Variants in PLXNB1 observed in about 807,000 individuals in gnomAD.
PLXNB1 encodes the protein plexin B1, also known as plexin-B1.
A neutral mutation model predicts 209.4 loss-of-function variants in PLXNB1; 106 were observed. The ratio of observed to expected loss-of-function variants is 0.51; its 90% CI spans 0.43 to 0.59. PLXNB1 has a LOEUF of 0.59. Among genes scored for constraint, PLXNB1 ranks in the 20% least tolerant of loss-of-function variants. The pLI is 0.00. For missense variants in PLXNB1, 2,357 were observed against 2,853.2 expected (o/e 0.83, Z 3.96); for synonymous variants, 1,167 against 1,183.2 (o/e 0.99, Z 0.28).
At chr3:48,408,905 C>G (rs1478736836) in intron 34 of PLXNB1, among the ~76,000 whole-genome samples, 2 of 152,166 alleles carry the variant, frequency 1.3e-5, no homozygotes, top group Non-Finnish European at 2.9e-5. Context: ...CAGGACAGCA[C>G]AGCGCCCTCT....
rs1222821417 is a variant in PLXNB1, at chr3:48,411,617, T to C, written c.5247+246A>G. ...AGGGCTGGCTTCTCCCAAACCCTGG[T>C]TGTGGCTACCCTAGTTCCATCCCTA... is the stretch of plus-strand genomic sequence containing the variant. On this transcript the variant is annotated intron_variant, in intron 28 of 37. Coordinates refer to ENST00000296440, the MANE Select transcript of PLXNB1 (RefSeq NM_001130082.3). The surrounding 1 kb of genome is among the most constrained non-coding windows in gnomAD (Gnocchi z 4.0). 6.6e-6 allele frequency among the ~76,000 whole-genome samples: 1 copy of C among 152,162 alleles called. No homozygotes were observed. The highest frequency in any genetic ancestry group is 1.9e-4 in the East Asian group (1 of 5,192).
chr3:48,410,055 T>TA lies in PLXNB1; in HGVS notation c.5627dup (p.Asp1877ArgfsTer2). ...GCCAGGGCCGGATGCCCCCCTCATC[T>TA]ACATCCTCCAGCATTGGGGTCCCTG... On this transcript the variant is annotated frameshift_variant, in exon 32 of 38. Coordinates refer to ENST00000296440, the MANE Select transcript of PLXNB1 (RefSeq NM_001130082.3). LOFTEE classifies it high-confidence loss of function. The surrounding 1 kb of genome is among the most constrained non-coding windows in gnomAD (Gnocchi z 6.4). The TA allele has an allele frequency of 6.2e-7, 1 of 1,600,896 alleles. No homozygotes were observed. The highest frequency in any genetic ancestry group is 8.5e-7 in the Non-Finnish European group (1 of 1,172,186).
chr3:48,422,296 CAG>C, intron 5 of PLXNB1, 33 bp downstream of exon 5: 1 of 1,611,014 alleles, frequency 6.2e-7, no homozygotes, highest in South Asian at 1.1e-5. Context: ...AGGCCCCTCC[CAG>C]CAGCCATGCC....
chr3:48,421,416 GC>G (rs1421575664), intron 7 of PLXNB1, 32 bp from the exon 8 acceptor site: 1 of 1,514,736 alleles, frequency 6.6e-7, no homozygotes, highest in East Asian at 2.3e-5. Flanking sequence ...CACTGTTGGG[GC>G]TAGTGGGCAG....
Position 48,420,116 on chromosome 3 carries a change from T to C in PLXNB1, c.2170A>G (p.Ile724Val). ...AGGGAAGGACTAGCCCCAGGTGAGA[T>C]GTCCGAAGCTGTGGCTGTGGAGGGA... ...GAPSTATASDISPGASPSLLS... is the reference protein window; with the variant it reads ...GAPSTATASDVSPGASPSLLS... The change falls in exon 11 of 38, where the codon ATC (isoleucine) becomes GTC (valine). Residue 724 changes from isoleucine to valine, a missense_variant. By Grantham distance (29) the Ile-to-Val change is conservative. Transcript: ENST00000296440. 2.5e-6 allele frequency: 4 copies of C among 1,606,624 alleles called. No homozygotes were observed. Among genetic ancestry groups the C allele is most frequent in the Non-Finnish European group, 3.4e-6 (4 of 1,176,792 alleles).
At position 48,415,511 on chromosome 3, in the gene PLXNB1, C is replaced by T. The variant is rs1054499826; in HGVS notation, c.3794+72G>A. On this transcript the variant is annotated intron_variant, in intron 19 of 37. Coordinates refer to ENST00000296440, the MANE Select transcript of PLXNB1 (RefSeq NM_001130082.3). The surrounding 1 kb of genome is among the most constrained non-coding windows in gnomAD (Gnocchi z 5.0). ...CTCAGTGCCTCAACATAAAGCCCTA[C>T]AAACCCCCACATAGTGGAGCTGCAA... is the stretch of plus-strand genomic sequence containing the variant. 12 of 1,467,342 alleles carry T rather than the reference C, an allele frequency of 8.2e-6. No individual in the cohort carries two copies. In the African/African-American group the frequency reaches 1.1e-4, roughly 14 times the overall value. 90.9% of individuals were successfully genotyped at this position (1,467,342 alleles called of 1,614,324 possible).
chr3:48,412,475 T>A lies in PLXNB1; in HGVS notation c.5000A>T (p.Tyr1667Phe). 2 of 1,613,658 alleles carry A rather than the reference T, an allele frequency of 1.2e-6. No individual in the cohort carries two copies. Among genetic ancestry groups the A allele is most frequent in the Non-Finnish European group, 1.7e-6 (2 of 1,180,040 alleles). ...CATCAGCTTGGGGTTCTTGGCCACA[T>A]ACTGGGCAACCAGGTCACTGAGCAG... is the stretch of plus-strand genomic sequence containing the variant. Reference protein sequence around the residue: ...RTLLSDLVAQYVAKNPKLMLR... With the variant: ...RTLLSDLVAQFVAKNPKLMLR... Residue 1667 changes from tyrosine (Y) to phenylalanine (F), a missense_variant, in exon 26 of 38, where the codon TAT (tyrosine) becomes TTT (phenylalanine). By Grantham distance (22) the Tyr-to-Phe change is conservative. This residue lies in a region of PLXNB1 where 65 missense variants were observed against 127.6 expected (regional missense o/e 0.51). Coordinates refer to ENST00000296440, the MANE Select transcript of PLXNB1 (RefSeq NM_001130082.3).
Position 48,415,650 on chromosome 3 carries a change from G to GT in PLXNB1, c.3726dup (p.Arg1243ThrfsTer27). On this transcript the variant is annotated frameshift_variant, in exon 19 of 38. Coordinates refer to ENST00000296440, the MANE Select transcript of PLXNB1 (RefSeq NM_001130082.3). LOFTEE classifies it high-confidence loss of function. The surrounding 1 kb of genome is among the most constrained non-coding windows in gnomAD (Gnocchi z 5.0). Reference sequence around the variant, plus strand: ...TCCAAGGTATACTTGAACTGTCCGCGTTGAAGCCTCCGCTCCGTGGCCCCA... The same window carrying GT: ...TCCAAGGTATACTTGAACTGTCCGCGTTTGAAGCCTCCGCTCCGTGGCCCCA... The GT allele has an allele frequency of 6.3e-7, 1 of 1,576,752 alleles. No individual in the cohort carries two copies. Among genetic ancestry groups the GT allele is most frequent in the Non-Finnish European group, 8.6e-7 (1 of 1,160,826 alleles).
chr3:48,412,666 A>C, intron 25 of PLXNB1, 46 bp from the exon 26 acceptor site: 2 of 1,605,296 alleles, frequency 1.2e-6, no homozygotes, highest in South Asian at 2.2e-5. Flanking sequence ...AGGGGGACAG[A>C]GGGGCGGGCT....
chr3:48,428,927 C>T lies in PLXNB1; in HGVS notation c.-60+1081G>A, dbSNP rs1356937155. 5.9e-5 allele frequency among the ~76,000 whole-genome samples: 9 copies of T among 152,054 alleles called. No homozygotes were observed. In the South Asian group the frequency reaches 1.9e-3, roughly 32 times the overall value. ...GAAGCCCCGACCTCCCCACTCGGCT[C>T]GTCCTTGACCCTCCCCAACCCCCAG... is the stretch of plus-strand genomic sequence containing the variant. On this transcript the variant is annotated intron_variant, in intron 1 of 37. Transcript: ENST00000296440.
At position 48,411,645 on chromosome 3, in the gene PLXNB1, C is replaced by A. The variant is rs974042242; in HGVS notation, c.5247+218G>T. Among the ~76,000 whole-genome samples the A allele has an allele frequency of 1.3e-5, 2 of 152,110 alleles. No individual in the cohort carries two copies. Among genetic ancestry groups the A allele is most frequent in the Non-Finnish European group, 2.9e-5 (2 of 68,040 alleles). On this transcript the variant is annotated intron_variant, in intron 28 of 37. Coordinates refer to ENST00000296440, the MANE Select transcript of PLXNB1 (RefSeq NM_001130082.3). The surrounding 1 kb of genome is among the most constrained non-coding windows in gnomAD (Gnocchi z 4.0). ...TGGCTACCCTAGTTCCATCCCTAGC[C>A]TGGGGCACATAGAGGCCTTATCATC...
Position 48,424,221 on chromosome 3 carries a change from G to A in PLXNB1, c.391C>T (p.Leu131=), listed in dbSNP as rs762377466. Residue 131 remains leucine, a synonymous_variant, in exon 3 of 38, where the codon CTG becomes TTG. Transcript: ENST00000296440. Reference sequence around the variant, plus strand: ...TCCCCAGGCCGCTCTGGCCGCAGCAGCAGCTGCTCGAGCTGCCCCAGGCGC... The same window carrying A: ...TCCCCAGGCCGCTCTGGCCGCAGCAACAGCTGCTCGAGCTGCCCCAGGCGC... ...QRRLGQLEQL[L]LRPERPGDTQ... 6.2e-7 allele frequency: 1 copy of A among 1,601,426 alleles called. No individual in the cohort carries two copies. Among genetic ancestry groups the A allele is most frequent in the South Asian group, 1.1e-5 (1 of 89,788 alleles).
At position 48,410,702 on chromosome 3, in the gene PLXNB1, C is replaced by T; in HGVS notation, c.5417-144G>A. ...CTCCAAAGACCAAGAGCAGGGACCC[C>T]CTCCCCAGATGAGAGGCTGTCCAAG... On this transcript the variant is annotated intron_variant, in intron 29 of 37. Transcript: ENST00000296440. This position sits in a 1 kb window ranked among gnomAD's most constrained non-coding sequence, Gnocchi z 6.4. 1.1e-6 allele frequency: 1 copy of T among 941,942 alleles called. No homozygotes were observed. The allele number at this position is 941,942 out of a possible 1,614,324, so 58.3% of individuals were successfully genotyped here. A position where few individuals can be genotyped will look rare whatever the true frequency, so the allele number is the denominator to read the frequency against.
rs979421753 is a variant in PLXNB1 at position 48,412,597 on chromosome 3, C to T, written c.4878G>A (p.Gln1626=). 2.5e-6 allele frequency: 4 copies of T among 1,613,536 alleles called. No individual in the cohort carries two copies. The African/African-American group carries it at 4.0e-5, about 16-fold the overall frequency. The change falls in exon 26 of 38, where the codon CAG becomes CAA. Residue 1626 remains glutamine (Q), a synonymous_variant. Coordinates refer to ENST00000296440, the MANE Select transcript of PLXNB1 (RefSeq NM_001130082.3). The stretch of plus-strand genomic sequence containing the variant: ...CACGGTCCCGAGCTGAAAAGGTGCG[C>T]TGGCTCTCCAGCGTGTGGATGAACT... ...LTKFIHTLES[Q]RTFSARDRAY... is the part of the protein sequence containing the mutation.
Position 48,418,302 on chromosome 3 carries a change from G to C in PLXNB1, c.3111C>G (p.Pro1037=). 1 of 1,613,716 alleles carries C rather than the reference G, an allele frequency of 6.2e-7. No individual in the cohort carries two copies. The highest frequency in any genetic ancestry group is 8.5e-7 in the Non-Finnish European group (1 of 1,180,006). Residue 1037 remains proline, a synonymous_variant, in exon 15 of 38, where the codon CCC becomes CCG. Coordinates refer to ENST00000296440, the MANE Select transcript of PLXNB1 (RefSeq NM_001130082.3). This position sits in a 1 kb window ranked among gnomAD's most constrained non-coding sequence, Gnocchi z 6.6. ...GDCSRCQTAM[P]QYGCVWCEGE... ...CCTCACACCACACACAGCCATACTG[G>C]GGCATGGCAGTTTGGCAGCGGCTGC...
chr3:48,422,217 A>G lies in PLXNB1; in HGVS notation c.1420-12T>C. 1 of 1,613,500 alleles carries G rather than the reference A, an allele frequency of 6.2e-7. No homozygotes were observed. The highest frequency in any genetic ancestry group is 8.5e-7 in the Non-Finnish European group (1 of 1,179,468). ...GGAACCTTCAGAAGCTGAGACAGCA[A>G]AGAGGACCTGAGGCCAGCAATCCAA... On this transcript the variant is annotated splice_polypyrimidine_tract_variant and intron_variant, in intron 5 of 37. Transcript: ENST00000296440.
intron 3 of PLXNB1, 103 bp downstream of exon 3, chr3:48,423,402 G>C (rs1273366668): frequency 1.6e-6 from 2 of 1,269,620 alleles, no homozygotes; most frequent in African/African-American, 3.0e-5. Context: ...TCATCCTCGT[G>C]CTACCACCAG....
In PLXNB1 at chr3:48,422,961, G is replaced by A. The variant is rs777757638; in HGVS notation, c.1108-14C>T. ...ATCCAGGGTGTCCTATAGGCAGCAA[G>A]AAGCATCAGGAAGGCCCTCCCTGGA... On this transcript the variant is annotated splice_polypyrimidine_tract_variant and intron_variant, in intron 3 of 37. Coordinates refer to ENST00000296440, the MANE Select transcript of PLXNB1 (RefSeq NM_001130082.3). 2 of 1,605,238 alleles carry A rather than the reference G, an allele frequency of 1.2e-6. No individual in the cohort carries two copies. Among genetic ancestry groups the A allele is most frequent in the South Asian group, 1.1e-5 (1 of 90,724 alleles).
At chr3:48,404,639 T>G (rs948477432) in intron 37 of PLXNB1, 49 bp from the exon 38 acceptor site, 20 of 1,335,730 alleles carry the variant, frequency 1.5e-5, no homozygotes, top group Non-Finnish European at 2.0e-5. Context: ...GGCCAACGTG[T>G]TTGCTGCAAA....
Sources: allele counts gnomAD v4.1 joint callset (sites outside exome capture counted in the v4.1 genomes callset), GRCh38; gene constraint gnomAD v4.1.1; regional missense constraint gnomAD v4.1.1; non-coding constraint Gnocchi (gnomAD v3.1); transcripts MANE v1.5; gene names NCBI Gene and HGNC (gene_info 2026-07-23, HGNC 2026-07-21).